Variants in EGLN1 observed in about 807,000 individuals in gnomAD.
EGLN1 encodes the protein egl-9 family hypoxia inducible factor 1, also known as egl nine homolog 1.
Under a neutral mutation model 38.3 loss-of-function variants are expected in EGLN1, and 17 were observed. The observed-to-expected ratio is 0.44, with a 90% CI of 0.30 to 0.67. The LOEUF (loss-of-function observed/expected upper bound fraction) is 0.67. EGLN1 is among the 30% of genes least tolerant of loss of function. EGLN1 has a pLI of 0.08. For synonymous variants in EGLN1, 283 were observed against 257.5 expected (o/e 1.10, Z -0.95); for missense variants, 477 against 603.3 (o/e 0.79, Z 2.19).
intron 1 of EGLN1, among the ~76,000 whole-genome samples, chr1:231,382,156 GCTCA>G (rs1452813474): frequency 6.6e-6 from 1 of 152,178 alleles, no homozygotes. Context: ...ACTTCTTGAG[GCTCA>G]CTGAGCAGGT....
chr1:231,399,470 T>C (rs1178851643), intron 1 of EGLN1, among the ~76,000 whole-genome samples: 1 of 152,108 alleles, frequency 6.6e-6, no homozygotes, highest in Non-Finnish European at 1.5e-5. Flanking sequence ...ATACTATTTA[T>C]AGTTAGTGAG....
At chr1:231,416,818 T>C (rs764197734) in intron 1 of EGLN1, among the ~76,000 whole-genome samples, 1 of 152,220 alleles carries the variant, frequency 6.6e-6, no homozygotes, top group Non-Finnish European at 1.5e-5. Flanking sequence ...ACGTCCCTTA[T>C]AGCTGACAGA....
intron 1 of EGLN1, among the ~76,000 whole-genome samples, chr1:231,402,831 T>C (rs555998178): frequency 6.6e-6 from 1 of 151,642 alleles, no homozygotes; most frequent in East Asian, 1.9e-4. Context: ...TAGATAGCCA[T>C]GTATTCCAAA....
chr1:231,393,803 G>T (rs1041720496), intron 1 of EGLN1, among the ~76,000 whole-genome samples: 1 of 152,030 alleles, frequency 6.6e-6, no homozygotes. Flanking sequence ...CTCACTGGAG[G>T]CCAATTTATC....
intron 1 of EGLN1, among the ~76,000 whole-genome samples, chr1:231,410,396 C>T (rs1382431866): frequency 6.6e-6 from 1 of 152,146 alleles, no homozygotes. Flanking sequence ...GAAGCAGATC[C>T]CTCCCCATTC....
intron 1 of EGLN1, among the ~76,000 whole-genome samples, chr1:231,375,287 C>T (rs1208112172): frequency 6.9e-6 from 1 of 145,454 alleles, no homozygotes; most frequent in African/African-American, 2.5e-5. Context: ...AACTCCTGAC[C>T]TCAAGTGATC....
chr1:231,420,960 A>G, intron 1 of EGLN1, 38 bp downstream of exon 1: 1 of 1,613,608 alleles, frequency 6.2e-7, no homozygotes, highest in Non-Finnish European at 8.5e-7. Flanking sequence ...GCCCGCCGAG[A>G]AGGGCCTGTC....
chr1:231,421,289 C>A lies in EGLN1; in HGVS notation c.600G>T (p.Pro200=), dbSNP rs1656582432. 1.2e-6 allele frequency: 2 copies of A among 1,613,258 alleles called. No individual in the cohort carries two copies. Among genetic ancestry groups the A allele is most frequent in the East Asian group, 4.5e-5 (2 of 44,844 alleles). Residue 200 remains proline (P), a synonymous_variant, in exon 1 of 5, where the codon CCG becomes CCT. Coordinates refer to ENST00000366641, the MANE Select transcript of EGLN1 (RefSeq NM_022051.3). This position sits in a 1 kb window ranked among gnomAD's most constrained non-coding sequence, Gnocchi z 5.5. ...CACAGATGCCGTGCTTGTTCATGCACGGCACGATGTACTCGAGCGCCAGCT... is the reference window on the plus strand; with the variant it reads ...CACAGATGCCGTGCTTGTTCATGCAAGGCACGATGTACTCGAGCGCCAGCT... The part of the protein sequence containing the change: ...ALKLALEYIV[P]CMNKHGICVV...
At chr1:231,417,747 A>C (rs959093462) in intron 1 of EGLN1, among the ~76,000 whole-genome samples, 4 of 152,156 alleles carry the variant, frequency 2.6e-5, no homozygotes, top group African/African-American at 7.2e-5. Flanking sequence ...CCTTTTTTAA[A>C]GTAGTTGCAT....
chr1:231,412,168 A>G (rs145340747), intron 1 of EGLN1, among the ~76,000 whole-genome samples: 2 of 152,044 alleles, frequency 1.3e-5, no homozygotes, highest in African/African-American at 2.4e-5. Context: ...TACAACACTG[A>G]TATCTTCACA....
intron 1 of EGLN1, among the ~76,000 whole-genome samples, chr1:231,405,028 CAA>C (rs1688751444): frequency 1.3e-5 from 2 of 152,066 alleles, no homozygotes; most frequent in South Asian, 4.2e-4. Flanking sequence ...CCAGTAAAAC[CAA>C]GTCAAGAATT....
chr1:231,379,001 C>T (rs1409932515), intron 1 of EGLN1, among the ~76,000 whole-genome samples: 1 of 152,136 alleles, frequency 6.6e-6, no homozygotes, highest in Non-Finnish European at 1.5e-5. Flanking sequence ...TCATTCTTTA[C>T]AGCAAACCTT....
intron 1 of EGLN1, among the ~76,000 whole-genome samples, chr1:231,405,450 TA>T (rs1313739455): frequency 6.6e-6 from 1 of 152,154 alleles, no homozygotes; most frequent in Non-Finnish European, 1.5e-5. Context: ...GCGCTGGGAT[TA>T]CAGGTGTGAG....
intron 1 of EGLN1, among the ~76,000 whole-genome samples, chr1:231,389,213 C>G (rs1376325911): frequency 6.6e-6 from 1 of 152,220 alleles, no homozygotes; most frequent in Non-Finnish European, 1.5e-5. Context: ...GCAGCATTTA[C>G]TGACAAATTA....
chr1:231,405,594 G>A (rs371089827), intron 1 of EGLN1, among the ~76,000 whole-genome samples: 8 of 152,236 alleles, frequency 5.3e-5, no homozygotes, highest in African/African-American at 1.9e-4. Context: ...GAGTTGTTGA[G>A]TGCCTTGCTC....
Position 231,421,437 on chromosome 1 carries a change from GC to G in EGLN1, c.451del (p.Ala151ProfsTer23). ...EAEPGKEEPP[A>X]RSSLFQEKAN... ...CTTCTCCTGGAACAGCGATGAGCGG[GC>G]CGGCGGCTCCTCCTTGCCGGGCTCG... is the stretch of plus-strand genomic sequence containing the variant. On this transcript the variant is annotated frameshift_variant, in exon 1 of 5. Coordinates refer to ENST00000366641, the MANE Select transcript of EGLN1 (RefSeq NM_022051.3). LOFTEE classifies it high-confidence loss of function. The surrounding 1 kb of genome is among the most constrained non-coding windows in gnomAD (Gnocchi z 5.5). The G allele has an allele frequency of 6.5e-7, 1 of 1,532,054 alleles. No homozygotes were observed. Among genetic ancestry groups the G allele is most frequent in the Non-Finnish European group, 8.8e-7 (1 of 1,137,334 alleles). The allele number at this position is 1,532,054 out of a possible 1,614,324, so 94.9% of individuals were successfully genotyped here.
At position 231,405,796 on chromosome 1, in the gene EGLN1, T is replaced by C. The variant is rs1201091258; in HGVS notation, c.891+15202A>G. 2.6e-5 allele frequency among the ~76,000 whole-genome samples: 4 copies of C among 152,248 alleles called. No homozygotes were observed. In the East Asian group the frequency reaches 5.8e-4, roughly 22 times the overall value. On this transcript the variant is annotated intron_variant, in intron 1 of 4. Transcript: ENST00000366641. ...TTAAAGAAAAAGCTTACAGCTACTA[T>C]GCAACATCAAAGCATAGTTCCTGAA...
At chr1:231,414,175 T>C (rs1337518894) in intron 1 of EGLN1, among the ~76,000 whole-genome samples, 1 of 152,194 alleles carries the variant, frequency 6.6e-6, no homozygotes, top group East Asian at 1.9e-4. Flanking sequence ...ATGTTCCAAG[T>C]GTGGAAACGA....
At chr1:231,411,309 T>C (rs1208006796) in intron 1 of EGLN1, among the ~76,000 whole-genome samples, 2 of 152,174 alleles carry the variant, frequency 1.3e-5, no homozygotes, top group African/African-American at 4.8e-5. Context: ...TTTTGCCTTC[T>C]GCCATAATTG....
Sources: allele counts gnomAD v4.1 joint callset (sites outside exome capture counted in the v4.1 genomes callset), GRCh38; gene constraint gnomAD v4.1.1; non-coding constraint Gnocchi (gnomAD v3.1); transcripts MANE v1.5; gene names NCBI Gene and HGNC (gene_info 2026-07-23, HGNC 2026-07-21).